COL21A1: variants seen among roughly 807,000 people sequenced by gnomAD.
COL21A1 encodes collagen alpha-1(XXI) chain.
A neutral mutation model predicts 137.9 loss-of-function variants in COL21A1; 149 were observed. That is an observed-to-expected ratio of 1.08 (90% CI 0.95 to 1.24). COL21A1 has a LOEUF of 1.24. COL21A1 is among the 50% of genes most tolerant of loss of function. The pLI is 0.00. For synonymous variants in COL21A1, 456 were observed against 391.5 expected (o/e 1.16, Z -1.95); for missense variants, 1,167 against 1,158.4 (o/e 1.01, Z -0.11).
At position 56,200,261 on chromosome 6, in the gene COL21A1, G is replaced by A. The variant is rs1487849412; in HGVS notation, c.-38-17605C>T. Among the ~76,000 whole-genome samples the A allele has an allele frequency of 2.0e-5, 3 of 152,116 alleles. No individual in the cohort carries two copies. The East Asian group carries it at 5.8e-4, about 29-fold the overall frequency. ...TAGAATTGTTTTTCCTAAATGCGAA[G>A]TGTGTCTATTAAAGGGTTTTAAGCA... is the stretch of plus-strand genomic sequence containing the variant. On this transcript the variant is annotated intron_variant, in intron 1 of 29. Coordinates refer to ENST00000244728, the MANE Select transcript of COL21A1 (RefSeq NM_030820.4).
chr6:56,111,589 C>T (rs1023653662), intron 16 of COL21A1, among the ~76,000 whole-genome samples: 5 of 151,992 alleles, frequency 3.3e-5, no homozygotes, highest in African/African-American at 1.2e-4. Flanking sequence ...TTTGGCCAGG[C>T]ATGGTGGCTC....
rs75378104 is a variant in COL21A1, at chr6:56,098,863, G to A, written c.1812+2609C>T. Among the ~76,000 whole-genome samples the A allele has an allele frequency of 1.0e-4, 15 of 147,308 alleles. No individual in the cohort carries two copies. The South Asian group carries it at 2.1e-3, about 21-fold the overall frequency. On this transcript the variant is annotated intron_variant, in intron 17 of 29. Transcript: ENST00000244728. ...CCCGAGTAGCTGGGACTACAGGCAC[G>A]TGCCACCACGCCCTGCTAATTTTTT...
chr6:56,363,785 CG>C (rs67066258), intron 1 of COL21A1, among the ~76,000 whole-genome samples: 132,015 of 152,230 alleles, frequency 0.87, 57,314 homozygotes, highest in East Asian at 0.98. Context: ...AAATACCCCC[CG>C]ACACATTCCC....
At chr6:56,159,461 C>T (rs1214190376) in intron 9 of COL21A1, among the ~76,000 whole-genome samples, 1 of 151,496 alleles carries the variant, frequency 6.6e-6, no homozygotes, top group Non-Finnish European at 1.5e-5. Context: ...CCCTCCCAAG[C>T]AGCTGGGATT....
chr6:56,256,566 A>G (rs1452768315), intron 1 of COL21A1, among the ~76,000 whole-genome samples: 1 of 152,188 alleles, frequency 6.6e-6, no homozygotes, highest in East Asian at 1.9e-4. Flanking sequence ...TCGAAAGTAA[A>G]GCTTCCAATA....
At chr6:56,136,876 T>A (rs1273576684) in intron 12 of COL21A1, among the ~76,000 whole-genome samples, 1 of 152,072 alleles carries the variant, frequency 6.6e-6, no homozygotes, top group Admixed American at 6.6e-5. Flanking sequence ...CCATGAACAC[T>A]CCTATGGCCC....
rs61397350 is a variant in COL21A1, at chr6:56,165,907, TACACACACACACAC to T, written c.1278+985_1278+998del. 9.1e-4 allele frequency among the ~76,000 whole-genome samples: 96 copies of T among 105,802 alleles called. 1 individual carries two copies. Among genetic ancestry groups the T allele is most frequent in the South Asian group, 1.4e-3 (4 of 2,888 alleles). 69.4% of individuals were successfully genotyped at this position (105,802 alleles called of 152,430 possible). Reference sequence around the variant, plus strand: ...TTTGCCCAGGGGAAAGGGGATTGATTACACACACACACACACACACACACACACACACACACACA... The same window carrying T: ...TTTGCCCAGGGGAAAGGGGATTGATTACACACACACACACACACACACACA... On this transcript the variant is annotated intron_variant, in intron 7 of 29. Transcript: ENST00000244728.
At chr6:56,316,476 A>AATTTTTT (rs776151498) in intron 1 of COL21A1, among the ~76,000 whole-genome samples, 1,402 of 30,100 alleles carry the variant, frequency 0.047, 55 homozygotes, top group Non-Finnish European at 0.088. Context: ...TTCTAAATAG[A>AATTTTTT]CTTTTTTTTT....
chr6:56,127,211 T>G (rs764062225), intron 12 of COL21A1, among the ~76,000 whole-genome samples: 1 of 152,170 alleles, frequency 6.6e-6, no homozygotes, highest in Non-Finnish European at 1.5e-5. Context: ...AATTACAGCT[T>G]TGGTTAAATC....
intron 17 of COL21A1, among the ~76,000 whole-genome samples, chr6:56,081,507 T>C (rs1767763918): frequency 6.6e-6 from 1 of 151,866 alleles, no homozygotes; most frequent in African/African-American, 2.4e-5. Context: ...ACCAAGAGTA[T>C]TAAATATATT....
At chr6:56,164,382 T>G (rs1474575644) in intron 9 of COL21A1, 41 bp downstream of exon 9, 4 of 1,267,100 alleles carry the variant, frequency 3.2e-6, no homozygotes, top group Non-Finnish European at 4.5e-6. Flanking sequence ...CAGCTCTTGT[T>G]TGTGTGTTTT....
chr6:56,179,960 C>A lies in COL21A1; in HGVS notation c.258G>T (p.Val86=). The change falls in exon 3 of 30, where the codon GTG becomes GTT. Residue 86 remains valine (V), a synonymous_variant. Coordinates refer to ENST00000244728, the MANE Select transcript of COL21A1 (RefSeq NM_030820.4). The part of the protein sequence containing the change: ...VGVVQYSDYP[V]LEIPLGSYDS... ...CATAGCTTCCGAGAGGAATCTCCAGCACAGGGTAGTCACTATATTGAACCA... is the reference window on the plus strand; with the variant it reads ...CATAGCTTCCGAGAGGAATCTCCAGAACAGGGTAGTCACTATATTGAACCA... The A allele has an allele frequency of 6.2e-7, 1 of 1,613,896 alleles. No homozygotes were observed. Among genetic ancestry groups the A allele is most frequent in the Non-Finnish European group, 8.5e-7 (1 of 1,179,844 alleles).
chr6:56,210,054 C>A (rs1181544394), intron 1 of COL21A1, among the ~76,000 whole-genome samples: 2 of 149,468 alleles, frequency 1.3e-5, no homozygotes, highest in African/African-American at 2.5e-5. Flanking sequence ...AGGAGTTGAA[C>A]AATGAGAGCA....
intron 17 of COL21A1, among the ~76,000 whole-genome samples, chr6:56,098,686 T>A (rs1333385745): frequency 6.1e-5 from 4 of 65,250 alleles, no homozygotes; most frequent in Non-Finnish European, 8.5e-5. Context: ...TAAATATATA[T>A]AAATATATAA....
intron 1 of COL21A1, among the ~76,000 whole-genome samples, chr6:56,239,204 A>G (rs1034435715): frequency 6.6e-6 from 1 of 152,184 alleles, no homozygotes; most frequent in African/African-American, 2.4e-5. Context: ...ACCAGATATT[A>G]CCATCTCTAA....
At chr6:56,366,278 G>A (rs112075791) in intron 1 of COL21A1, among the ~76,000 whole-genome samples, 2,611 of 152,232 alleles carry the variant, frequency 0.017, 65 homozygotes, top group African/African-American at 0.06. Flanking sequence ...GTCTGAGCCT[G>A]AGCAGTGCTC....
chr6:56,284,424 T>A (rs1176530660), intron 1 of COL21A1, among the ~76,000 whole-genome samples: 1 of 152,204 alleles, frequency 6.6e-6, no homozygotes, highest in Non-Finnish European at 1.5e-5. Context: ...CTTACTGTTA[T>A]CTTAGTATCC....
intron 1 of COL21A1, among the ~76,000 whole-genome samples, chr6:56,224,313 C>A (rs188453546): frequency 3.2e-4 from 48 of 152,230 alleles, no homozygotes; most frequent in African/African-American, 1.2e-3. Flanking sequence ...AGGGTAAAAT[C>A]TCAGGCTCAT....
intron 1 of COL21A1, among the ~76,000 whole-genome samples, chr6:56,216,653 C>T (rs191850612): frequency 2.4e-4 from 36 of 152,190 alleles, no homozygotes; most frequent in Admixed American, 2.4e-3. Flanking sequence ...ACATTATTCG[C>T]AGCCTCTGAC....
Sources: allele counts gnomAD v4.1 joint callset (sites outside exome capture counted in the v4.1 genomes callset), GRCh38; gene constraint gnomAD v4.1.1; transcripts MANE v1.5; gene names NCBI Gene and HGNC (gene_info 2026-07-23, HGNC 2026-07-21).